The following ABCA3 variants were observed in gnomAD, a reference collection of about 807,000 sequenced individuals.
ABCA3 encodes ATP binding cassette subfamily A member 3.
In ABCA3, 88 loss-of-function variants were observed where a neutral mutation model predicts 172.8. The observed-to-expected ratio is 0.51, with a 90% CI of 0.43 to 0.61. ABCA3 has a LOEUF of 0.61. Ranked by LOEUF, ABCA3 falls within the 20% of genes least tolerant of loss-of-function variation. The pLI, the probability that ABCA3 is intolerant of heterozygous loss-of-function variation, is 0.00. For missense variants in ABCA3, 2,164 were observed against 2,301.0 expected (o/e 0.94, Z 1.22); for synonymous variants, 1,066 against 983.8 (o/e 1.08, Z -1.56).
In ABCA3 at chr16:2,319,707, C is replaced by T. The variant is rs139952718; in HGVS notation, c.747G>A (p.Pro249=). Residue 249 remains proline (P), a synonymous_variant, in exon 8 of 33, where the codon CCG becomes CCA. Transcript: ENST00000301732. ...TVTIKRFPYP[P]FIADPFLVAI... Reference sequence around the variant, plus strand: ...CCACGAGGAAGGGGTCTGCGATGAACGGCGGGTACGGGAACCTCTTGATGG... The same window carrying T: ...CCACGAGGAAGGGGTCTGCGATGAATGGCGGGTACGGGAACCTCTTGATGG... 192 of 1,613,652 alleles carry T rather than the reference C, an allele frequency of 1.2e-4. 1 individual carries two copies. Among genetic ancestry groups the T allele is most frequent in the Admixed American group, 2.3e-4 (14 of 59,982 alleles).
In ABCA3 at chr16:2,295,941, A is replaced by G. The variant is rs79464772; in HGVS notation, c.2264-201T>C. Among the ~76,000 whole-genome samples, 8 of 152,290 alleles carry G rather than the reference A, an allele frequency of 5.3e-5. No homozygotes were observed. In the East Asian group the frequency reaches 1.5e-3, roughly 29 times the overall value. ...GTGTCACCTCCCGCTCCTGCTGGGA[A>G]GAGCTGCTGGGGATCTAGGGTGCTG... On this transcript the variant is annotated intron_variant, in intron 17 of 32. Coordinates refer to ENST00000301732, the MANE Select transcript of ABCA3 (RefSeq NM_001089.3).
chr16:2,284,439 T>A lies in ABCA3; in HGVS notation c.3704-2A>T. On this transcript the variant is annotated splice_acceptor_variant, in intron 24 of 32. Coordinates refer to ENST00000301732, the MANE Select transcript of ABCA3 (RefSeq NM_001089.3). LOFTEE classifies it high-confidence loss of function. This position sits in a 1 kb window ranked among gnomAD's most constrained non-coding sequence, Gnocchi z 5.9. ...TGGAAAGTTCTTCCAGTTTTACAGC[T>A]GCGTTGGGGAGGTAAGATCAGTCTG... The A allele has an allele frequency of 3.1e-6, 5 of 1,613,680 alleles. No homozygotes were observed. The highest frequency in any genetic ancestry group is 4.2e-6 in the Non-Finnish European group (5 of 1,179,982).
At position 2,279,260 on chromosome 16, in the gene ABCA3, CG is replaced by C; in HGVS notation, c.4360-131del. 1 of 1,093,766 alleles carries C rather than the reference CG, an allele frequency of 9.1e-7. No individual in the cohort carries two copies. The highest frequency in any genetic ancestry group is 1.3e-6 in the Non-Finnish European group (1 of 753,294). The allele number at this position is 1,093,766 out of a possible 1,614,324, so 67.8% of individuals were successfully genotyped here. A position where few individuals can be genotyped will look rare whatever the true frequency, so the allele number is the denominator to read the frequency against. Reference sequence around the variant, plus strand: ...TGTGGTTCCTGCCAGTGTGTGTACACGGGGGCGCTGGAGCTATGCACAGGCC... The same window carrying C: ...TGTGGTTCCTGCCAGTGTGTGTACACGGGGCGCTGGAGCTATGCACAGGCC... On this transcript the variant is annotated intron_variant, in intron 28 of 32. Coordinates refer to ENST00000301732, the MANE Select transcript of ABCA3 (RefSeq NM_001089.3). The surrounding 1 kb of genome is among the most constrained non-coding windows in gnomAD (Gnocchi z 4.4).
rs753382200 is a variant in ABCA3, at chr16:2,286,751, A to C, written c.3221T>G (p.Val1074Gly). The change falls in exon 22 of 33, where the codon GTC (valine) becomes GGC (glycine). Residue 1074 changes from valine to glycine, a missense_variant. Coordinates refer to ENST00000301732, the MANE Select transcript of ABCA3 (RefSeq NM_001089.3). This position sits in a 1 kb window ranked among gnomAD's most constrained non-coding sequence, Gnocchi z 5.2. ...LLCGPHASIV[V>G]SNFPQPRSAL... Reference sequence around the variant, plus strand: ...GCTCCGGGGCTGGGGGAAGTTGGAGACCACAATGGAGGCGTGAGGCCCGCA... The same window carrying C: ...GCTCCGGGGCTGGGGGAAGTTGGAGCCCACAATGGAGGCGTGAGGCCCGCA... 1 of 1,613,864 alleles carries C rather than the reference A, an allele frequency of 6.2e-7. No individual in the cohort carries two copies.
intron 1 of ABCA3, among the ~76,000 whole-genome samples, chr16:2,334,342 C>G (rs1158795941): frequency 1.3e-5 from 2 of 152,038 alleles, no homozygotes; most frequent in East Asian, 3.9e-4. Context: ...GGATGTTGCA[C>G]CAAGAAGGGA....
chr16:2,298,578 A>T (rs767334115), intron 14 of ABCA3, 38 bp from the exon 15 acceptor site: 2 of 1,609,130 alleles, frequency 1.2e-6, no homozygotes, highest in East Asian at 4.5e-5. Flanking sequence ...CAGCATGAAG[A>T]TCCTGCTCGT....
Position 2,281,588 on chromosome 16 carries a change from G to GC in ABCA3, c.4036-80_4036-79insG. Reference sequence around the variant, plus strand: ...CGTGGAGAAGGGAGGGGCGGGGGTGGATGTGGGAGGTCTGGTGGGACTAAG... The same window carrying GC: ...CGTGGAGAAGGGAGGGGCGGGGGTGGCATGTGGGAGGTCTGGTGGGACTAAG... On this transcript the variant is annotated intron_variant, in intron 26 of 32. Coordinates refer to ENST00000301732, the MANE Select transcript of ABCA3 (RefSeq NM_001089.3). This position sits in a 1 kb window ranked among gnomAD's most constrained non-coding sequence, Gnocchi z 4.7. 2 of 517,012 alleles carry GC rather than the reference G, an allele frequency of 3.9e-6. No individual in the cohort carries two copies. The highest frequency in any genetic ancestry group is 7.7e-6 in the Non-Finnish European group (2 of 260,090). 32.0% of individuals were successfully genotyped at this position (517,012 alleles called of 1,614,324 possible). A position where few individuals can be genotyped will look rare whatever the true frequency, so the allele number is the denominator to read the frequency against.
intron 19 of ABCA3, among the ~76,000 whole-genome samples, chr16:2,290,315 G>A (rs1236121090): frequency 1.3e-5 from 2 of 152,184 alleles, no homozygotes; most frequent in Non-Finnish European, 2.9e-5. Flanking sequence ...CATGGTCTGA[G>A]CTCCGGTGGG....
chr16:2,280,697 C>T (rs762386819), intron 28 of ABCA3, among the ~76,000 whole-genome samples: 20 of 152,226 alleles, frequency 1.3e-4, no homozygotes, highest in Non-Finnish European at 2.9e-4. Context: ...GGCCTTCCAT[C>T]CCTTCACTCA....
rs538304961 is a variant in ABCA3 at position 2,318,162 on chromosome 16, A to T, written c.874-398T>A. Among the ~76,000 whole-genome samples, 10 of 152,300 alleles carry T rather than the reference A, an allele frequency of 6.6e-5. No individual in the cohort carries two copies. The East Asian group carries it at 1.9e-3, about 29-fold the overall frequency. On this transcript the variant is annotated intron_variant, in intron 8 of 32. Coordinates refer to ENST00000301732, the MANE Select transcript of ABCA3 (RefSeq NM_001089.3). ...CCCAACCACGTCAACACCAGCCTCC[A>T]TGGCTGTGAGACGTGACCACAGATC...
chr16:2,287,772 G>GC lies in ABCA3; in HGVS notation c.3004+253dup, dbSNP rs1002661250. Reference sequence around the variant, plus strand: ...TGGCCCCAGGATGCCAGTGTCTCTGGCACCTCCAGGGCACTTCCCCTGACT... The same window carrying GC: ...TGGCCCCAGGATGCCAGTGTCTCTGGCCACCTCCAGGGCACTTCCCCTGACT... On this transcript the variant is annotated intron_variant, in intron 21 of 32. Transcript: ENST00000301732. The surrounding 1 kb of genome is among the most constrained non-coding windows in gnomAD (Gnocchi z 4.1). Among the ~76,000 whole-genome samples the GC allele has an allele frequency of 1.3e-5, 2 of 152,182 alleles. No individual in the cohort carries two copies. Among genetic ancestry groups the GC allele is most frequent in the African/African-American group, 4.8e-5 (2 of 41,446 alleles).
Position 2,277,747 on chromosome 16 carries a change from GA to G in ABCA3, c.4910-78del. On this transcript the variant is annotated intron_variant, in intron 31 of 32. Coordinates refer to ENST00000301732, the MANE Select transcript of ABCA3 (RefSeq NM_001089.3). This position sits in a 1 kb window ranked among gnomAD's most constrained non-coding sequence, Gnocchi z 5.3. ...GAGGGTGCCTGGGTGCTCAGCACTGGAGTCCTCGTCCCAGGGATTGGGGAGA... is the reference window on the plus strand; with the variant it reads ...GAGGGTGCCTGGGTGCTCAGCACTGGGTCCTCGTCCCAGGGATTGGGGAGA... 1 of 1,598,702 alleles carries G rather than the reference GA, an allele frequency of 6.3e-7. No homozygotes were observed. Among genetic ancestry groups the G allele is most frequent in the South Asian group, 1.1e-5 (1 of 89,940 alleles).
Position 2,317,582 on chromosome 16 carries a change from G to C in ABCA3, c.990+66C>G, listed in dbSNP as rs577016758. The stretch of plus-strand genomic sequence containing the variant: ...TCTCTGACCACAAAGTTCTTCCCAA[G>C]AGGGCCCTCCTGGGGTGCCCTGGCT... On this transcript the variant is annotated intron_variant, in intron 9 of 32. Transcript: ENST00000301732. The C allele has an allele frequency of 1.1e-3, 1,784 of 1,595,004 alleles. 29 individuals carry two copies. In the South Asian group the frequency reaches 0.019, roughly 17 times the overall value.
At chr16:2,318,497 TTTTC>T (rs901989390) in intron 8 of ABCA3, among the ~76,000 whole-genome samples, 37 of 152,052 alleles carry the variant, frequency 2.4e-4, no homozygotes, top group Admixed American at 1.4e-3. Flanking sequence ...CCTCATTTCT[TTTTC>T]TTTCTTTTTC....
intron 10 of ABCA3, among the ~76,000 whole-genome samples, chr16:2,308,928 C>T (rs925977171): frequency 6.6e-6 from 1 of 152,172 alleles, no homozygotes; most frequent in Non-Finnish European, 1.5e-5. Flanking sequence ...ATCCCAAACC[C>T]CTGATTCCCG....
At chr16:2,289,698 T>G in intron 19 of ABCA3, 78 bp from the exon 20 acceptor site, 1 of 1,476,056 alleles carries the variant, frequency 6.8e-7, no homozygotes, top group Non-Finnish European at 9.1e-7. Context: ...TTAGAGGCAC[T>G]GAGGGGAGCA....
At position 2,297,849 on chromosome 16, in the gene ABCA3, T is replaced by C; in HGVS notation, c.1969A>G (p.Lys657Glu). The change falls in exon 16 of 33, where the codon AAG becomes GAG. Residue 657 changes from lysine to glutamate, a missense_variant. Lys to Glu is a moderately conservative substitution (Grantham distance 56). Transcript: ENST00000301732. This position sits in a 1 kb window ranked among gnomAD's most constrained non-coding sequence, Gnocchi z 5.6. ...QMLHIIGLED[K>E]WNSRSRFLSG... ...AGGAAGCGGCTCCGTGAGTTCCACT[T>C]GTCCTCCAGGCCGATGATGTGCAGC... 1 of 1,613,836 alleles carries C rather than the reference T, an allele frequency of 6.2e-7. No homozygotes were observed. The highest frequency in any genetic ancestry group is 2.2e-5 in the East Asian group (1 of 44,860).
At chr16:2,280,998 C>T (rs2093654069) in intron 28 of ABCA3, 29 bp downstream of exon 28, 3 of 1,613,624 alleles carry the variant, frequency 1.9e-6, no homozygotes, top group Non-Finnish European at 2.5e-6. Context: ...CCTGTCTCAC[C>T]CCTTCAGAGC....
intron 1 of ABCA3, among the ~76,000 whole-genome samples, chr16:2,339,916 G>C (rs972064255): frequency 2.0e-5 from 3 of 152,282 alleles, no homozygotes; most frequent in African/African-American, 7.2e-5. Context: ...TCCTGACCGA[G>C]GGCGCCGAGA....
Sources: allele counts gnomAD v4.1 joint callset (sites outside exome capture counted in the v4.1 genomes callset), GRCh38; gene constraint gnomAD v4.1.1; non-coding constraint Gnocchi (gnomAD v3.1); transcripts MANE v1.5; gene names NCBI Gene and HGNC (gene_info 2026-07-23, HGNC 2026-07-21).